EIF4A3: variants seen among roughly 807,000 people sequenced by gnomAD.
The protein encoded by EIF4A3 is eukaryotic translation initiation factor 4A3.
EIF4A3 carries 1 observed loss-of-function variant against 55.6 expected under a neutral mutation model. The ratio of observed to expected loss-of-function variants is 0.02; its 90% CI spans 0.01 to 0.09. EIF4A3 has a LOEUF of 0.09. EIF4A3 is among the 10% of genes least tolerant of loss of function. The pLI is 1.00. For missense variants in EIF4A3, 221 were observed against 540.7 expected (o/e 0.41, Z 5.86); for synonymous variants, 194 against 196.3 (o/e 0.99, Z 0.10).
chr17:80,144,090 A>G, intron 2 of EIF4A3, 82 bp downstream of exon 2: 1 of 1,328,388 alleles, frequency 7.5e-7, no homozygotes, highest in South Asian at 1.2e-5. Context: ...AAGCTGAGGG[A>G]AACAGTCATC....
At chr17:80,145,364 GA>G (rs1484619430) in intron 1 of EIF4A3, among the ~76,000 whole-genome samples, 1 of 152,118 alleles carries the variant, frequency 6.6e-6, no homozygotes, top group African/African-American at 2.4e-5. Context: ...AGGAGTTCAA[GA>G]CCAGCCTGGG....
In EIF4A3 at chr17:80,147,085, CTG is replaced by C. The variant is rs755877809; in HGVS notation, c.-126_-125del. ...CCTCGCTGTGCCGCTGCCGACCTCG[CTG>C]TGCCGCTGCCGACCTCGCTGTGCCG... is the stretch of plus-strand genomic sequence containing the variant. On this transcript the variant is annotated 5_prime_UTR_variant, in exon 1 of 12. Coordinates refer to ENST00000649764, the MANE Select transcript of EIF4A3 (RefSeq NM_014740.4). 8.3e-6 allele frequency: 11 copies of C among 1,330,656 alleles called. No homozygotes were observed. The East Asian group carries it at 9.2e-5, about 11-fold the overall frequency. 82.4% of individuals were successfully genotyped at this position (1,330,656 alleles called of 1,614,324 possible). A position where few individuals can be genotyped will look rare whatever the true frequency, so the allele number is the denominator to read the frequency against.
At chr17:80,145,435 A>G (rs898818034) in intron 1 of EIF4A3, among the ~76,000 whole-genome samples, 34 of 152,240 alleles carry the variant, frequency 2.2e-4, no homozygotes, top group African/African-American at 8.2e-4. Context: ...GTGGTGGCCC[A>G]CACCTATAAT....
At chr17:80,137,056 C>A (rs2039576672) in intron 9 of EIF4A3, 2 of 205,706 alleles carry the variant, frequency 9.7e-6, no homozygotes, top group South Asian at 1.6e-4. Context: ...TGAAACCACC[C>A]AATCCACGCT....
At chr17:80,145,801 C>A (rs1410646063) in intron 1 of EIF4A3, among the ~76,000 whole-genome samples, 1 of 152,018 alleles carries the variant, frequency 6.6e-6, no homozygotes, top group Admixed American at 6.6e-5. Flanking sequence ...GCATCAACCA[C>A]CGGTTACTCA....
At chr17:80,142,726 C>T (rs924266989) in intron 2 of EIF4A3, among the ~76,000 whole-genome samples, 6 of 151,952 alleles carry the variant, frequency 3.9e-5, no homozygotes, top group South Asian at 4.1e-4. Context: ...GCCTGGGTGA[C>T]GAAGTGAGGC....
chr17:80,145,159 C>G (rs2039649358), intron 1 of EIF4A3, among the ~76,000 whole-genome samples: 1 of 152,194 alleles, frequency 6.6e-6, no homozygotes, highest in Non-Finnish European at 1.5e-5. Context: ...GCCTGAGTGC[C>G]AGGAAACCAG....
chr17:80,141,937 G>T, intron 2 of EIF4A3, 89 bp from the exon 3 acceptor site: 1 of 1,055,042 alleles, frequency 9.5e-7, no homozygotes, highest in Non-Finnish European at 1.4e-6. Context: ...GAGGCACTTA[G>T]GTACCTTCTT....
At chr17:80,140,252 T>A in intron 4 of EIF4A3, 112 bp from the exon 5 acceptor site, 1 of 1,285,282 alleles carries the variant, frequency 7.8e-7, no homozygotes, top group Non-Finnish European at 1.0e-6. Context: ...TTTATGCCAT[T>A]ATTATCTCGA....
intron 1 of EIF4A3, 116 bp downstream of exon 1, chr17:80,146,677 C>A: frequency 1.5e-6 from 2 of 1,304,146 alleles, no homozygotes; most frequent in South Asian, 1.5e-5. Flanking sequence ...CGAGCCTCGA[C>A]CCTGACCACG....
chr17:80,135,900 C>T, intron 11 of EIF4A3, 104 bp downstream of exon 11: 1 of 1,496,504 alleles, frequency 6.7e-7, no homozygotes, highest in South Asian at 1.3e-5. Flanking sequence ...GTCTCAAAAA[C>T]AAAACAAAAA....
intron 4 of EIF4A3, 85 bp downstream of exon 4, chr17:80,141,234 G>A: frequency 7.1e-7 from 1 of 1,399,510 alleles, no homozygotes; most frequent in Admixed American, 1.9e-5. Flanking sequence ...AACAGGATTG[G>A]ATTAAATAAA....
At chr17:80,141,119 C>T (rs997654843) in intron 4 of EIF4A3, among the ~76,000 whole-genome samples, 200 bp downstream of exon 4, 2 of 151,758 alleles carry the variant, frequency 1.3e-5, no homozygotes, top group African/African-American at 2.4e-5. Flanking sequence ...AAAAAACTAC[C>T]GAGAGCACAC....
At position 80,135,319 on chromosome 17, in the gene EIF4A3, A is replaced by G. The variant is rs750762246; in HGVS notation, c.*171T>C. 22 of 632,594 alleles carry G rather than the reference A, an allele frequency of 3.5e-5. No individual in the cohort carries two copies. Among genetic ancestry groups the G allele is most frequent in the Middle Eastern group, 4.5e-4 (1 of 2,202 alleles). 39.2% of individuals were successfully genotyped at this position (632,594 alleles called of 1,614,324 possible). A position where few individuals can be genotyped will look rare whatever the true frequency, so the allele number is the denominator to read the frequency against. Reference sequence around the variant, plus strand: ...AGAACAATGTATTATTTACATGTAAATAAGAAAAGAGAGCAGAATCCCCAT... The same window carrying G: ...AGAACAATGTATTATTTACATGTAAGTAAGAAAAGAGAGCAGAATCCCCAT... On this transcript the variant is annotated 3_prime_UTR_variant, in exon 12 of 12. Transcript: ENST00000649764.
At chr17:80,142,704 C>T (rs2039628027) in intron 2 of EIF4A3, among the ~76,000 whole-genome samples, 1 of 152,026 alleles carries the variant, frequency 6.6e-6, no homozygotes, top group Non-Finnish European at 1.5e-5. Flanking sequence ...ATGACTGCAC[C>T]ACTGCATTCC....
At chr17:80,135,915 CACA>C (rs1191810875) in intron 11 of EIF4A3, 86 bp downstream of exon 11, 30 of 1,533,802 alleles carry the variant, frequency 2.0e-5, no homozygotes, top group Admixed American at 6.2e-5. Flanking sequence ...CAAAAAAACC[CACA>C]ACAACAAAAA....
At chr17:80,139,217 G>A (rs2039598288) in intron 6 of EIF4A3, 55 bp from the exon 7 acceptor site, 1 of 1,605,704 alleles carries the variant, frequency 6.2e-7, no homozygotes, top group East Asian at 2.2e-5. Flanking sequence ...ACCCAGAAAT[G>A]GAAGGTGCAC....
intron 4 of EIF4A3, among the ~76,000 whole-genome samples, chr17:80,140,955 C>A (rs12451286): frequency 0.15 from 22,135 of 151,984 alleles, 2,010 homozygotes; most frequent in Middle Eastern, 0.24. Flanking sequence ...GCCACCACGC[C>A]CAGCTAATTT....
chr17:80,137,394 C>A lies in EIF4A3; in HGVS notation c.975G>T (p.Ser325=), dbSNP rs746097113. The A allele has an allele frequency of 1.2e-5, 20 of 1,613,272 alleles. No homozygotes were observed. The Admixed American group carries it at 3.3e-4, about 27-fold the overall frequency. Reference sequence around the variant, plus strand: ...CAGCATAGCAGACCCACCTGGCGCCCGACCGGAACTCCTTCATGATGGACT... The same window carrying A: ...CAGCATAGCAGACCCACCTGGCGCCAGACCGGAACTCCTTCATGATGGACT... The part of the protein sequence containing the change: ...ERESIMKEFR[S]GASRVLISTD... Residue 325 remains serine (S), a synonymous_variant, in exon 9 of 12, where the codon TCG becomes TCT. Coordinates refer to ENST00000649764, the MANE Select transcript of EIF4A3 (RefSeq NM_014740.4).
Sources: gnomAD v4.1 joint callset for allele counts (sites outside exome capture counted in the v4.1 genomes callset) on GRCh38, gnomAD v4.1.1 for gene constraint, MANE v1.5 for transcripts, NCBI Gene and HGNC (gene_info 2026-07-23, HGNC 2026-07-21) for gene names.